Variants in KCNQ1 observed in about 807,000 individuals in gnomAD.
KCNQ1 encodes the protein potassium voltage-gated channel subfamily Q member 1.
A neutral mutation model predicts 72.4 loss-of-function variants in KCNQ1; 49 were observed. The ratio of observed to expected loss-of-function variants is 0.68; its 90% CI spans 0.54 to 0.86. KCNQ1 has a LOEUF of 0.86. Ranked by LOEUF, KCNQ1 falls within the 40% of genes least tolerant of loss-of-function variation. KCNQ1 has a pLI of 0.00. For missense variants in KCNQ1, 790 were observed against 945.1 expected (o/e 0.84, Z 2.15); for synonymous variants, 450 against 412.6 (o/e 1.09, Z -1.10).
intron 15 of KCNQ1, among the ~76,000 whole-genome samples, chr11:2,837,125 C>T (rs536332814): frequency 6.6e-6 from 1 of 152,200 alleles, no homozygotes; most frequent in South Asian, 2.1e-4. Flanking sequence ...ACATGGTGTG[C>T]GTGTTTGGGA....
In KCNQ1 at chr11:2,474,605, C is replaced by T. The variant is rs764472177; in HGVS notation, c.386+29121C>T. On this transcript the variant is annotated intron_variant, in intron 1 of 15. Coordinates refer to ENST00000155840, the MANE Select transcript of KCNQ1 (RefSeq NM_000218.3). The stretch of plus-strand genomic sequence containing the variant: ...TCTCTGAAACATTTATGACTTCATG[C>T]GTCAGCTGGAGGCTCTTTCACCGCC... Among the ~76,000 whole-genome samples, 47 of 152,142 alleles carry T rather than the reference C, an allele frequency of 3.1e-4. 1 individual carries two copies. Among genetic ancestry groups the T allele is most frequent in the Non-Finnish European group, 4.3e-4 (29 of 68,020 alleles).
chr11:2,517,149 C>T (rs568553278), intron 1 of KCNQ1, among the ~76,000 whole-genome samples: 1 of 152,188 alleles, frequency 6.6e-6, no homozygotes, highest in African/African-American at 2.4e-5. Flanking sequence ...AGGTGCCAGG[C>T]GGGGCCAGCC....
At chr11:2,819,206 G>A (rs751158553) in intron 15 of KCNQ1, among the ~76,000 whole-genome samples, 2 of 152,188 alleles carry the variant, frequency 1.3e-5, no homozygotes, top group Non-Finnish European at 2.9e-5. Flanking sequence ...TCCTCCCAAG[G>A]GCTGTGGCCC....
rs562327903 is a variant in KCNQ1 at position 2,463,286 on chromosome 11, G to A, written c.386+17802G>A. ...GACACAGAAGGCAGGAATGCAGAAG[G>A]CCTTTCAGAAGTTCTCACTGGCCTG... On this transcript the variant is annotated intron_variant, in intron 1 of 15. Coordinates refer to ENST00000155840, the MANE Select transcript of KCNQ1 (RefSeq NM_000218.3). This position sits in a 1 kb window ranked among gnomAD's most constrained non-coding sequence, Gnocchi z 7.0. Among the ~76,000 whole-genome samples the A allele has an allele frequency of 2.6e-5, 4 of 152,300 alleles. No homozygotes were observed. The East Asian group carries it at 7.7e-4, about 29-fold the overall frequency.
chr11:2,615,239 TA>T, intron 10 of KCNQ1: 1 of 398,188 alleles, frequency 2.5e-6, no homozygotes, highest in Non-Finnish European at 4.4e-6. Flanking sequence ...TTTCTTAAAA[TA>T]AATGTTGAAC....
intron 7 of KCNQ1, among the ~76,000 whole-genome samples, chr11:2,584,572 AGTGTTTGTGT>A (rs1848563033): frequency 9.1e-6 from 1 of 109,362 alleles, no homozygotes; most frequent in Non-Finnish European, 1.8e-5. Flanking sequence ...TGTGTGTGTT[AGTGTTTGTGT>A]GTGTTTGTGG....
Position 2,661,418 on chromosome 11 carries a change from G to A in KCNQ1, c.1394-543G>A, listed in dbSNP as rs759259424. On this transcript the variant is annotated intron_variant, in intron 10 of 15. Coordinates refer to ENST00000155840, the MANE Select transcript of KCNQ1 (RefSeq NM_000218.3). This position sits in a 1 kb window ranked among gnomAD's most constrained non-coding sequence, Gnocchi z 5.9. ...TTGGAGGGACTCCTGTGCCTCATTG[G>A]GGGTACAACTGGTTGATGTAGCATC... is the stretch of plus-strand genomic sequence containing the variant. The A allele has an allele frequency of 3.1e-5, 13 of 415,038 alleles. No homozygotes were observed. The highest frequency in any genetic ancestry group is 4.3e-5 in the Non-Finnish European group (10 of 235,076). The allele number at this position is 415,038 out of a possible 1,614,324, so 25.7% of individuals were successfully genotyped here. A position where few individuals can be genotyped will look rare whatever the true frequency, so the allele number is the denominator to read the frequency against.
At chr11:2,594,198 C>T (rs1056942988) in intron 10 of KCNQ1, among the ~76,000 whole-genome samples, 32 of 152,122 alleles carry the variant, frequency 2.1e-4, no homozygotes, top group African/African-American at 7.2e-4. Flanking sequence ...ATGATGGTTT[C>T]GTTGGGAGAA....
intron 11 of KCNQ1, among the ~76,000 whole-genome samples, chr11:2,728,329 C>T (rs997242445): frequency 4.6e-5 from 7 of 152,370 alleles, no homozygotes; most frequent in South Asian, 2.1e-4. Flanking sequence ...GACTCTTGTT[C>T]ACAGTGCTAT....
At chr11:2,802,677 A>G (rs1847290771) in intron 15 of KCNQ1, among the ~76,000 whole-genome samples, 1 of 152,166 alleles carries the variant, frequency 6.6e-6, no homozygotes, top group African/African-American at 2.4e-5. Context: ...TCAAACCCCT[A>G]GATGACACTC....
At chr11:2,448,126 C>T (rs74048613) in intron 1 of KCNQ1, among the ~76,000 whole-genome samples, 205 of 152,332 alleles carry the variant, frequency 1.3e-3, no homozygotes, top group Non-Finnish European at 2.0e-3. Context: ...CTGCACCCAG[C>T]GGTCCTAGCT....
chr11:2,725,877 T>A lies in KCNQ1; in HGVS notation c.1515-42967T>A, dbSNP rs1412485410. 6.6e-6 allele frequency among the ~76,000 whole-genome samples: 1 copy of A among 151,264 alleles called. No homozygotes were observed. Among genetic ancestry groups the A allele is most frequent in the Non-Finnish European group, 1.5e-5 (1 of 67,826 alleles). On this transcript the variant is annotated intron_variant, in intron 11 of 15. Coordinates refer to ENST00000155840, the MANE Select transcript of KCNQ1 (RefSeq NM_000218.3). This position sits in a 1 kb window ranked among gnomAD's most constrained non-coding sequence, Gnocchi z 7.2. The stretch of plus-strand genomic sequence containing the variant: ...CCCCACAGGCCAAGCGTTTTCTGAC[T>A]TGGAGAGGCAGGAGGCCAACTCCCC...
At chr11:2,480,247 A>G (rs1459679175) in intron 1 of KCNQ1, among the ~76,000 whole-genome samples, 1 of 152,014 alleles carries the variant, frequency 6.6e-6, no homozygotes, top group Non-Finnish European at 1.5e-5. Flanking sequence ...TTACAGCCGC[A>G]CCCCACTCCC....
intron 10 of KCNQ1, chr11:2,638,015 A>G (rs1388707965): frequency 2.6e-5 from 4 of 151,096 alleles, no homozygotes; most frequent in Non-Finnish European, 4.4e-5. Context: ...GCCTTTTTTT[A>G]TTTTCCATTT....
In KCNQ1 at chr11:2,458,521, C is replaced by T. The variant is rs1846227814; in HGVS notation, c.386+13037C>T. Among the ~76,000 whole-genome samples, 2 of 152,358 alleles carry T rather than the reference C, an allele frequency of 1.3e-5. No individual in the cohort carries two copies. Among genetic ancestry groups the T allele is most frequent in the African/African-American group, 4.8e-5 (2 of 41,588 alleles). On this transcript the variant is annotated intron_variant, in intron 1 of 15. Transcript: ENST00000155840. This position sits in a 1 kb window ranked among gnomAD's most constrained non-coding sequence, Gnocchi z 4.6. ...GCTGAAGTCCTGCCAGGCTCCAGCT[C>T]CTGGTGAGGTCAGGGATTCCGCATG... is the stretch of plus-strand genomic sequence containing the variant.
chr11:2,724,779 C>T lies in KCNQ1; in HGVS notation c.1515-44065C>T, dbSNP rs1171511971. On this transcript the variant is annotated intron_variant, in intron 11 of 15. Coordinates refer to ENST00000155840, the MANE Select transcript of KCNQ1 (RefSeq NM_000218.3). This position sits in a 1 kb window ranked among gnomAD's most constrained non-coding sequence, Gnocchi z 6.8. ...GAGTTGGGGGAAGGGGCCAGTTCAC[C>T]CACAGAGGGTGGAGTCACTGGGCTG... 6.6e-6 allele frequency among the ~76,000 whole-genome samples: 1 copy of T among 152,182 alleles called. No individual in the cohort carries two copies. Among genetic ancestry groups the T allele is most frequent in the Non-Finnish European group, 1.5e-5 (1 of 68,032 alleles).
chr11:2,590,762 T>C (rs1242010811), intron 10 of KCNQ1, among the ~76,000 whole-genome samples: 1 of 152,212 alleles, frequency 6.6e-6, no homozygotes, highest in Non-Finnish European at 1.5e-5. Context: ...CCCCACTCTC[T>C]GCCTTCCATG....
At chr11:2,740,820 C>T (rs1260257484) in intron 11 of KCNQ1, among the ~76,000 whole-genome samples, 1 of 152,230 alleles carries the variant, frequency 6.6e-6, no homozygotes, top group Non-Finnish European at 1.5e-5. Context: ...TCCCCTGCGG[C>T]CACGTCTCCT....
chr11:2,731,515 G>T (rs1047871652), intron 11 of KCNQ1, among the ~76,000 whole-genome samples: 8 of 152,242 alleles, frequency 5.3e-5, no homozygotes, highest in African/African-American at 1.9e-4. Context: ...CATCTCTCGG[G>T]ACAGGAGGTG....
Sources: allele counts gnomAD v4.1 joint callset (sites outside exome capture counted in the v4.1 genomes callset), GRCh38; gene constraint gnomAD v4.1.1; non-coding constraint Gnocchi (gnomAD v3.1); transcripts MANE v1.5; gene names NCBI Gene and HGNC (gene_info 2026-07-23, HGNC 2026-07-21).